The following AXIN2 variants were observed in gnomAD, a reference collection of about 807,000 sequenced individuals.
AXIN2 encodes axin-2.
In AXIN2, 21 loss-of-function variants were observed where a neutral mutation model predicts 74.7. The ratio of observed to expected loss-of-function variants is 0.28; its 90% confidence interval spans 0.20 to 0.40. The LOEUF is 0.40. Ranked by LOEUF, AXIN2 falls within the 10% of genes least tolerant of loss-of-function variation. The probability of loss-of-function intolerance (pLI) is 1.00; values close to 1 mark genes in which losing one functional copy is unlikely to be tolerated. For missense variants in AXIN2, 1,144 were observed against 1,111.1 expected, an observed-to-expected ratio of 1.03 and a Z score of -0.42; for synonymous variants, 532 against 454.9, an observed-to-expected ratio of 1.17 and a Z score of -2.16.
rs550186385 is a variant in AXIN2 at position 65,532,672 on chromosome 17, G to A, written c.2405+1240C>T. Among the ~76,000 whole-genome samples, 5 of 152,340 alleles carry A rather than the reference G, an allele frequency of 3.3e-5. No individual in the cohort carries two copies. The South Asian group carries it at 8.3e-4, about 25-fold the overall frequency. ...CAAGGCCTGCTCTAGAGGGGAGGGT[G>A]TCTCAGAGCCCTGCAGGTGGACTCA... is the stretch of plus-strand genomic sequence containing the variant. On this transcript the variant is annotated intron_variant, in intron 10 of 10. Coordinates refer to ENST00000307078, the MANE Select transcript of AXIN2 (RefSeq NM_004655.4).
In AXIN2 at chr17:65,537,334, C is replaced by T; in HGVS notation, c.1702G>A (p.Glu568Lys). Residue 568 changes from glutamate to lysine, a missense_variant, in exon 6 of 11, where the codon GAG becomes AAG. Physicochemically the swap from Glu to Lys is moderately conservative, Grantham distance 56. Transcript: ENST00000307078. The stretch of plus-strand genomic sequence containing the variant: ...CCGCCCGGCACTTACCCAAACTGCT[C>T]GCTGGGCATGGTTTCCGGAGCCTTG... ...HSKAPETMPS[E>K]QFGGSRGSTL... The T allele has an allele frequency of 6.2e-7, 1 of 1,614,094 alleles. No homozygotes were observed.
chr17:65,536,727 C>T, intron 7 of AXIN2, 142 bp downstream of exon 7: 2 of 1,434,206 alleles, frequency 1.4e-6, no homozygotes, highest in Non-Finnish European at 2.0e-6. Context: ...GTGGTCTGCT[C>T]AGTCCAACGT....
chr17:65,538,171 C>A, intron 5 of AXIN2, 32 bp downstream of exon 5: 1 of 1,613,928 alleles, frequency 6.2e-7, no homozygotes, highest in Non-Finnish European at 8.5e-7. Flanking sequence ...ACGCCGTGGA[C>A]GGAAGCAGGA....
At chr17:65,538,082 CGCGCATGCGCATGCAACCCACGCACAT>C in intron 5 of AXIN2, 94 bp downstream of exon 5, 1 of 1,544,530 alleles carries the variant, frequency 6.5e-7, no homozygotes, top group Non-Finnish European at 8.8e-7. Flanking sequence ...ACGCAGCCCA[CGCGCATGCGCATGCAACCCACGCACAT>C]GCGCACACCC....
intron 4 of AXIN2, among the ~76,000 whole-genome samples, chr17:65,538,583 G>A (rs760055990): frequency 6.8e-6 from 1 of 146,246 alleles, no homozygotes; most frequent in Non-Finnish European, 1.5e-5. Flanking sequence ...ACTCCGAGAG[G>A]CCCTGCTTGT....
At chr17:65,546,807 C>T (rs1426140414) in intron 3 of AXIN2, among the ~76,000 whole-genome samples, 1 of 152,180 alleles carries the variant, frequency 6.6e-6, no homozygotes, top group Non-Finnish European at 1.5e-5. Flanking sequence ...TTCCTCCTGG[C>T]TTCCTGGTTT....
chr17:65,538,164 C>G (rs748426955), intron 5 of AXIN2, 39 bp downstream of exon 5: 1 of 1,613,702 alleles, frequency 6.2e-7, no homozygotes, highest in Non-Finnish European at 8.5e-7. Flanking sequence ...AGCGCTCACG[C>G]CGTGGACGGA....
chr17:65,530,168 A>G, intron 10 of AXIN2, 66 bp from the exon 11 acceptor site: 1 of 1,602,404 alleles, frequency 6.2e-7, no homozygotes, highest in Non-Finnish European at 8.5e-7. Flanking sequence ...AAAGAAAAGC[A>G]TACCAACATG....
rs2144432097 is a variant in AXIN2 at position 65,535,625 on chromosome 17, C to T, written c.2237+1G>A. 1 of 1,614,006 alleles carries T rather than the reference C, an allele frequency of 6.2e-7. No individual in the cohort carries two copies. Among genetic ancestry groups the T allele is most frequent in the Non-Finnish European group, 8.5e-7 (1 of 1,179,854 alleles). The stretch of plus-strand genomic sequence containing the variant: ...CAGTAATGTCAGGTAAAGACACTCA[C>T]TCTTCTGGAGCCAGGCTTGGATTGG... On this transcript the variant is annotated splice_donor_variant, in intron 9 of 10. Transcript: ENST00000307078. LOFTEE classifies it high-confidence loss of function.
At position 65,557,853 on chromosome 17, in the gene AXIN2, C is replaced by A. The variant is rs142454363; in HGVS notation, c.768G>T (p.Arg256Ser). Residue 256 changes from arginine to serine, a missense_variant, in exon 2 of 11, where the codon AGG becomes AGT. By Grantham distance (110) the Arg-to-Ser change is moderately radical. Around this residue, in one of 4 missense-constraint regions of AXIN2, gnomAD observed 1,053 missense variants for 973.5 expected, o/e 1.08. Coordinates refer to ENST00000307078, the MANE Select transcript of AXIN2 (RefSeq NM_004655.4). Reference sequence around the variant, plus strand: ...CCGTGGACCTCACACTCGCCGTGGCCCTCAGAGTTTTGCTGGACAAGCCAA... The same window carrying A: ...CCGTGGACCTCACACTCGCCGTGGCACTCAGAGTTTTGCTGGACAAGCCAA... ...TVVGLSSKTL[R>S]ATASVRSTET... is the part of the protein sequence containing the mutation. 1 of 1,614,174 alleles carries A rather than the reference C, an allele frequency of 6.2e-7. No individual in the cohort carries two copies. The highest frequency in any genetic ancestry group is 8.5e-7 in the Non-Finnish European group (1 of 1,180,036).
In AXIN2 at chr17:65,549,828, G is replaced by A. The variant is rs35759823; in HGVS notation, c.816-168C>T. Among the ~76,000 whole-genome samples, 9,479 of 152,124 alleles carry A rather than the reference G, an allele frequency of 0.062. 497 individuals carry two copies. The highest frequency in any genetic ancestry group is 0.14 in the African/African-American group (5,791 of 41,478). ...CAGAAAGCAGGGGCCACAAAAGGGA[G>A]GCCTCCTGAGCCACCGGTTCACCCT... On this transcript the variant is annotated intron_variant, in intron 2 of 10. Transcript: ENST00000307078.
At chr17:65,533,355 C>T (rs2043855591) in intron 10 of AXIN2, among the ~76,000 whole-genome samples, 1 of 152,314 alleles carries the variant, frequency 6.6e-6, no homozygotes, top group South Asian at 2.1e-4. Flanking sequence ...CTTCTAATGG[C>T]CCATAAAATC....
intron 10 of AXIN2, among the ~76,000 whole-genome samples, chr17:65,531,148 AT>A (rs2043808910): frequency 6.6e-6 from 1 of 151,884 alleles, no homozygotes; most frequent in African/African-American, 2.4e-5. Context: ...CCTTTCAAGC[AT>A]TTAATTGTGT....
At chr17:65,533,821 A>AAGGG in intron 10 of AXIN2, 91 bp downstream of exon 10, 2 of 1,254,824 alleles carry the variant, frequency 1.6e-6, no homozygotes, top group Non-Finnish European at 2.3e-6. Flanking sequence ...TGCCCCACCT[A>AAGGG]GGTCTGCTCA....
chr17:65,560,816 G>C (rs910610849), intron 1 of AXIN2: 1 of 150,968 alleles, frequency 6.6e-6, no homozygotes, highest in Non-Finnish European at 1.5e-5. Flanking sequence ...CCTCGGCCTC[G>C]GCACTCACCA....
At chr17:65,546,713 G>A (rs1221333483) in intron 3 of AXIN2, among the ~76,000 whole-genome samples, 1 of 152,156 alleles carries the variant, frequency 6.6e-6, no homozygotes, top group Non-Finnish European at 1.5e-5. Flanking sequence ...GCACTTGATT[G>A]GGAGAGGGCA....
chr17:65,532,132 A>G (rs567028383), intron 10 of AXIN2, among the ~76,000 whole-genome samples: 1 of 152,088 alleles, frequency 6.6e-6, no homozygotes, highest in African/African-American at 2.4e-5. Flanking sequence ...AGAGGATCGG[A>G]GAGTTGACCA....
chr17:65,557,733 C>G (rs2044289017), intron 2 of AXIN2, 73 bp downstream of exon 2: 2 of 1,445,538 alleles, frequency 1.4e-6, no homozygotes, highest in African/African-American at 2.9e-5. Context: ...GCACACCCAT[C>G]CACCCATCCA....
intron 2 of AXIN2, among the ~76,000 whole-genome samples, chr17:65,555,553 A>C (rs1264785925): frequency 6.6e-6 from 1 of 151,390 alleles, no homozygotes; most frequent in Non-Finnish European, 1.5e-5. Context: ...AATTATACTA[A>C]TTATAACACT....
Sources: gnomAD v4.1 joint callset for allele counts (sites outside exome capture counted in the v4.1 genomes callset) on GRCh38, gnomAD v4.1.1 for gene constraint, gnomAD v4.1.1 regional missense constraint, MANE v1.5 for transcripts, NCBI Gene and HGNC (gene_info 2026-07-23, HGNC 2026-07-21) for gene names.